Variants in MAP4K3 observed in about 807,000 individuals in gnomAD.
MAP4K3 encodes the protein mitogen-activated protein kinase kinase kinase kinase 3.
In MAP4K3, 94 loss-of-function variants were observed where a neutral mutation model predicts 143.5. The ratio of observed to expected loss-of-function variants is 0.65; its 90% CI spans 0.55 to 0.78. The LOEUF (loss-of-function observed/expected upper bound fraction) is 0.78. MAP4K3 is among the 30% of genes least tolerant of loss of function. MAP4K3 has a pLI of 0.00. For synonymous variants in MAP4K3, 416 were observed against 347.2 expected (o/e 1.20, Z -2.20); for missense variants, 1,077 against 1,068.1 (o/e 1.01, Z -0.12).
chr2:39,289,734 T>C (rs1267531616), intron 19 of MAP4K3, among the ~76,000 whole-genome samples: 1 of 152,194 alleles, frequency 6.6e-6, no homozygotes, highest in Non-Finnish European at 1.5e-5. Context: ...CAAATAACAC[T>C]AATCCATTAA....
intron 1 of MAP4K3, among the ~76,000 whole-genome samples, chr2:39,424,429 G>C (rs1168058830): frequency 1.3e-5 from 2 of 152,144 alleles, no homozygotes; most frequent in African/African-American, 2.4e-5. Context: ...GAGTACAGGT[G>C]AACAGTCGTG....
intron 1 of MAP4K3, among the ~76,000 whole-genome samples, chr2:39,433,251 T>C (rs1665349888): frequency 1.3e-5 from 2 of 152,164 alleles, no homozygotes; most frequent in South Asian, 4.1e-4. Context: ...ATACACAGGC[T>C]AGGAATCATT....
chr2:39,317,823 C>T (rs1308372821), intron 12 of MAP4K3, among the ~76,000 whole-genome samples: 1 of 152,114 alleles, frequency 6.6e-6, no homozygotes, highest in Non-Finnish European at 1.5e-5. Context: ...TAAATTAGTT[C>T]AGCTACTGTG....
intron 1 of MAP4K3, among the ~76,000 whole-genome samples, chr2:39,434,276 A>G (rs1414906450): frequency 6.6e-6 from 1 of 152,240 alleles, no homozygotes; most frequent in Non-Finnish European, 1.5e-5. Context: ...GAAAAAACTA[A>G]AACAGCAAAA....
intron 1 of MAP4K3, among the ~76,000 whole-genome samples, chr2:39,408,258 A>G (rs1667147666): frequency 6.6e-6 from 1 of 152,222 alleles, no homozygotes; most frequent in African/African-American, 2.4e-5. Context: ...TTCCTTTGAT[A>G]TTAGACAATG....
At chr2:39,254,249 T>TA (rs1225520659) in intron 32 of MAP4K3, among the ~76,000 whole-genome samples, 1 of 152,186 alleles carries the variant, frequency 6.6e-6, no homozygotes, top group African/African-American at 2.4e-5. Context: ...GCACATTAAA[T>TA]ATGCACTAAA....
chr2:39,315,675 T>C (rs1452625763), intron 12 of MAP4K3, among the ~76,000 whole-genome samples: 1 of 152,182 alleles, frequency 6.6e-6, no homozygotes, highest in Admixed American at 6.5e-5. Flanking sequence ...CATATTCTTA[T>C]TTGTATGTGC....
At chr2:39,415,952 CAAAAAAA>C (rs1192060497) in intron 1 of MAP4K3, among the ~76,000 whole-genome samples, 1 of 2,658 alleles carries the variant, frequency 3.8e-4, no homozygotes, top group African/African-American at 8.7e-4. Flanking sequence ...GGCTCTGTCT[CAAAAAAA>C]AAAAAAAAAA....
intron 3 of MAP4K3, among the ~76,000 whole-genome samples, chr2:39,351,192 C>G (rs1665447566): frequency 6.6e-6 from 1 of 152,160 alleles, no homozygotes; most frequent in Admixed American, 6.5e-5. Flanking sequence ...ACCCCCTTTT[C>G]CCTCTCAGGC....
At chr2:39,355,359 CAAAAAAAAAA>C (rs34355105) in intron 3 of MAP4K3, among the ~76,000 whole-genome samples, 50 of 34,542 alleles carry the variant, frequency 1.4e-3, no homozygotes, top group Non-Finnish European at 2.3e-3. Context: ...GACTCCACCT[CAAAAAAAAAA>C]AAAAAAAAAA....
chr2:39,282,581 C>T (rs752240077), intron 21 of MAP4K3, 27 bp from the exon 22 acceptor site: 4 of 1,568,790 alleles, frequency 2.5e-6, no homozygotes, highest in Admixed American at 1.7e-5. Context: ...TGTATGATTA[C>T]ACTTTTTTTG....
chr2:39,414,377 G>C (rs1033781514), intron 1 of MAP4K3, among the ~76,000 whole-genome samples: 1 of 152,082 alleles, frequency 6.6e-6, no homozygotes, highest in East Asian at 1.9e-4. Context: ...AAACTATTGC[G>C]GGGGAATTAA....
At position 39,333,543 on chromosome 2, in the gene MAP4K3, T is replaced by A; in HGVS notation, c.446A>T (p.His149Leu). ...GANILLTDNGHVKLADFGVSA... is the reference protein window; with the variant it reads ...GANILLTDNGLVKLADFGVSA... ...TCCAATTTACTTACCCAATTTCACA[T>A]GACCATTATCCGTTAATAGAATGTT... The change falls in exon 7 of 34, where the codon CAT (histidine) becomes CTT (leucine). Residue 149 changes from histidine (H) to leucine (L), a missense_variant. Transcript: ENST00000263881. 1 of 1,606,872 alleles carries A rather than the reference T, an allele frequency of 6.2e-7. No individual in the cohort carries two copies. Among genetic ancestry groups the A allele is most frequent in the South Asian group, 1.1e-5 (1 of 90,566 alleles).
chr2:39,252,573 A>C (rs1402232364), intron 32 of MAP4K3, among the ~76,000 whole-genome samples: 1 of 152,252 alleles, frequency 6.6e-6, no homozygotes, highest in Non-Finnish European at 1.5e-5. Context: ...GTGACCAACT[A>C]CCAGTTGGGG....
At chr2:39,328,139 T>C (rs1683553182) in intron 8 of MAP4K3, among the ~76,000 whole-genome samples, 1 of 152,174 alleles carries the variant, frequency 6.6e-6, no homozygotes, top group Admixed American at 6.5e-5. Context: ...GAGACCAGCC[T>C]GGGCAACATG....
chr2:39,404,715 G>T (rs1272954963), intron 1 of MAP4K3, among the ~76,000 whole-genome samples: 1 of 146,180 alleles, frequency 6.8e-6, no homozygotes, highest in Non-Finnish European at 1.5e-5. Context: ...TCTGCCTTCT[G>T]GGTTCAAGCG....
In MAP4K3 at chr2:39,265,294, T is replaced by G; in HGVS notation, c.2045A>C (p.Tyr682Ser). The change falls in exon 28 of 34, where the codon TAC becomes TCC. Residue 682 changes from tyrosine (Y) to serine (S), a missense_variant. Coordinates refer to ENST00000263881, the MANE Select transcript of MAP4K3 (RefSeq NM_003618.4). ...CQKCCVVRNPYTGHKYLCGAL... is the reference protein window; with the variant it reads ...CQKCCVVRNPSTGHKYLCGAL... ...TCCACATAGGTATTTATGGCCCGTG[T>G]AAGGATTTCTTACTGTCAAAGCAAA... 1 of 1,609,452 alleles carries G rather than the reference T, an allele frequency of 6.2e-7. No homozygotes were observed. The highest frequency in any genetic ancestry group is 8.5e-7 in the Non-Finnish European group (1 of 1,176,076).
rs538124334 is a variant in MAP4K3, at chr2:39,435,598, C to A, written c.96+1294G>T. On this transcript the variant is annotated intron_variant, in intron 1 of 33. Transcript: ENST00000263881. The stretch of plus-strand genomic sequence containing the variant: ...CTCTCATAACCCTGATCCTAATACT[C>A]TTTTCTGCATCACAAAATTAAACGG... 1.1e-4 allele frequency among the ~76,000 whole-genome samples: 17 copies of A among 152,310 alleles called. 1 individual carries two copies. In the South Asian group the frequency reaches 3.5e-3, roughly 32 times the overall value.
intron 1 of MAP4K3, among the ~76,000 whole-genome samples, chr2:39,381,272 A>T (rs1573221262): frequency 6.6e-6 from 1 of 152,172 alleles, no homozygotes; most frequent in East Asian, 1.9e-4. Flanking sequence ...ACCTGTTTTC[A>T]ATTTTCCATT....
Sources: allele counts gnomAD v4.1 joint callset (sites outside exome capture counted in the v4.1 genomes callset), GRCh38; gene constraint gnomAD v4.1.1; transcripts MANE v1.5; gene names NCBI Gene and HGNC (gene_info 2026-07-23, HGNC 2026-07-21).